Variants in FCF1 observed in about 807,000 individuals in gnomAD.
FCF1 encodes rRNA-processing protein FCF1 homolog.
Under a neutral mutation model 32.5 loss-of-function variants are expected in FCF1, and 17 were observed. The observed-to-expected ratio is 0.52, with a 90% CI of 0.36 to 0.78. The LOEUF is 0.78. Among genes scored for constraint, FCF1 ranks in the 30% least tolerant of loss-of-function variants. The pLI is 0.00. For synonymous variants in FCF1, 84 were observed against 78.4 expected (o/e 1.07, Z -0.38); for missense variants, 201 against 241.1 (o/e 0.83, Z 1.10).
chr14:74,721,868 T>A (rs1201089802), intron 4 of FCF1, among the ~76,000 whole-genome samples: 3 of 152,186 alleles, frequency 2.0e-5, no homozygotes, highest in South Asian at 2.1e-4. Flanking sequence ...AATATCCTTA[T>A]GAATATGTCT....
intron 5 of FCF1, among the ~76,000 whole-genome samples, chr14:74,725,644 C>T (rs775072809): frequency 1.3e-4 from 20 of 151,696 alleles, no homozygotes; most frequent in African/African-American, 2.2e-4. Flanking sequence ...AAAAATTTGC[C>T]GGGCGGCCAG....
chr14:74,721,540 A>G (rs1418998665), intron 4 of FCF1, among the ~76,000 whole-genome samples: 3 of 152,088 alleles, frequency 2.0e-5, no homozygotes, highest in Non-Finnish European at 4.4e-5. Context: ...GTCTTTACTA[A>G]AACTACAAAA....
Position 74,715,939 on chromosome 14 carries a change from T to C in FCF1, c.144-12T>C. On this transcript the variant is annotated splice_polypyrimidine_tract_variant and intron_variant, in intron 3 of 7. Transcript: ENST00000341162. The stretch of plus-strand genomic sequence containing the variant: ...TAAATTTTTCTTTGTTCTTGTTTTC[T>C]TTTTCCTTCAGTCCCCAACACCCTT... 6.2e-7 allele frequency: 1 copy of C among 1,612,438 alleles called. No individual in the cohort carries two copies. The highest frequency in any genetic ancestry group is 1.1e-5 in the South Asian group (1 of 90,724).
At chr14:74,720,441 T>C (rs1016168730) in intron 4 of FCF1, among the ~76,000 whole-genome samples, 8 of 152,212 alleles carry the variant, frequency 5.3e-5, no homozygotes, top group Non-Finnish European at 1.0e-4. Flanking sequence ...TTCATAAAAA[T>C]AGAATCTTAT....
chr14:74,715,356 A>G (rs1217490809), intron 3 of FCF1, among the ~76,000 whole-genome samples: 2 of 152,116 alleles, frequency 1.3e-5, no homozygotes. Context: ...TTAAGTAAGT[A>G]CATTTAACTT....
chr14:74,713,360 A>T, intron 1 of FCF1, 125 bp from the exon 2 acceptor site: 1 of 1,547,966 alleles, frequency 6.5e-7, no homozygotes. Flanking sequence ...TATGCTTTAC[A>T]GAGTGGGGAA....
chr14:74,726,404 T>G (rs2090578425), intron 5 of FCF1, among the ~76,000 whole-genome samples: 1 of 151,932 alleles, frequency 6.6e-6, no homozygotes, highest in African/African-American at 2.4e-5. Flanking sequence ...GGAGGATTGC[T>G]TGAGCCAGGG....
At chr14:74,727,031 A>G (rs1330229652) in intron 5 of FCF1, among the ~76,000 whole-genome samples, 1 of 152,012 alleles carries the variant, frequency 6.6e-6, no homozygotes, top group Non-Finnish European at 1.5e-5. Flanking sequence ...GTTGGTTCCA[A>G]GTCTTTACTA....
At chr14:74,718,813 G>T (rs2090456941) in intron 4 of FCF1, among the ~76,000 whole-genome samples, 1 of 151,962 alleles carries the variant, frequency 6.6e-6, no homozygotes, top group South Asian at 2.1e-4. Context: ...TAAAAAAATG[G>T]AAGTTGAAGC....
intron 5 of FCF1, among the ~76,000 whole-genome samples, chr14:74,729,173 A>C (rs2090605255): frequency 6.6e-6 from 1 of 152,156 alleles, no homozygotes; most frequent in African/African-American, 2.4e-5. Context: ...TTTCAGAAGG[A>C]ATGGTACCAG....
chr14:74,713,177 A>G lies in FCF1; in HGVS notation c.-21A>G. 1.2e-6 allele frequency: 2 copies of G among 1,614,226 alleles called. No individual in the cohort carries two copies. Among genetic ancestry groups the G allele is most frequent in the Non-Finnish European group, 1.7e-6 (2 of 1,180,040 alleles). ...ATTGCGCCGTTGGTGATTACGGAAG[A>G]ACCAGGAGTTTGGCGTGACCATGGT... On this transcript the variant is annotated 5_prime_UTR_variant, in exon 1 of 8. Transcript: ENST00000341162.
chr14:74,717,546 A>G (rs948896788), intron 4 of FCF1, among the ~76,000 whole-genome samples: 13 of 152,194 alleles, frequency 8.5e-5, no homozygotes, highest in Non-Finnish European at 2.9e-5. Flanking sequence ...TTTTAAAGCT[A>G]TATACATAAA....
chr14:74,716,154 T>C, intron 4 of FCF1, 55 bp downstream of exon 4: 6 of 1,533,556 alleles, frequency 3.9e-6, no homozygotes, highest in Non-Finnish European at 4.5e-6. Context: ...ATTATATTTA[T>C]ACAAATACAT....
intron 2 of FCF1, among the ~76,000 whole-genome samples, chr14:74,714,431 G>T (rs544160989): frequency 5.3e-5 from 8 of 152,242 alleles, no homozygotes; most frequent in South Asian, 2.1e-4. Flanking sequence ...CTAGTTAAGG[G>T]TTAAGTTCTG....
intron 3 of FCF1, among the ~76,000 whole-genome samples, chr14:74,715,242 G>C (rs191635985): frequency 1.3e-5 from 2 of 152,144 alleles, no homozygotes; most frequent in African/African-American, 4.8e-5. Context: ...GTTCATAAAA[G>C]AGAGACTGTA....
chr14:74,725,069 T>TAA lies in FCF1; in HGVS notation c.365+1735_365+1736dup, dbSNP rs34861456. On this transcript the variant is annotated intron_variant, in intron 5 of 7. Coordinates refer to ENST00000341162, the MANE Select transcript of FCF1 (RefSeq NM_015962.5). ...ATCTATCTCGTGCTATGGGTTCTGG[T>TAA]AAAAAAAAAAAGAAAGAAAAAGATT... Among the ~76,000 whole-genome samples the TAA allele has an allele frequency of 2.8e-3, 412 of 146,758 alleles. 6 individuals carry two copies. Among genetic ancestry groups the TAA allele is most frequent in the Middle Eastern group, 0.014 (4 of 288 alleles).
At chr14:74,734,220 A>G (rs750465074) in intron 7 of FCF1, 50 bp downstream of exon 7, 47 of 1,057,804 alleles carry the variant, frequency 4.4e-5, no homozygotes, top group Non-Finnish European at 6.9e-5. Context: ...ATTGATATCA[A>G]TTGAAAATGA....
chr14:74,736,387 G>A lies in FCF1; in HGVS notation c.*1457G>A, dbSNP rs551617182. The A allele has an allele frequency of 3.3e-5, 5 of 151,932 alleles. No individual in the cohort carries two copies. In the South Asian group the frequency reaches 1.0e-3, roughly 32 times the overall value. 9.4% of individuals were successfully genotyped at this position (151,932 alleles called of 1,614,324 possible). On this transcript the variant is annotated 3_prime_UTR_variant, in exon 8 of 8. Coordinates refer to ENST00000341162, the MANE Select transcript of FCF1 (RefSeq NM_015962.5). ...AGATTGCGCCACTGCATTCCAGCCTGGGTGACAGAGTGAGACTGTCTCAAA... is the reference window on the plus strand; with the variant it reads ...AGATTGCGCCACTGCATTCCAGCCTAGGTGACAGAGTGAGACTGTCTCAAA...
intron 5 of FCF1, among the ~76,000 whole-genome samples, chr14:74,727,520 T>C: frequency 6.6e-6 from 1 of 151,996 alleles, no homozygotes; most frequent in Admixed American, 6.5e-5. Flanking sequence ...CTTTGTCAGA[T>C]GAGTAGGTTG....
Sources: allele counts gnomAD v4.1 joint callset (sites outside exome capture counted in the v4.1 genomes callset), GRCh38; gene constraint gnomAD v4.1.1; transcripts MANE v1.5; gene names NCBI Gene and HGNC (gene_info 2026-07-23, HGNC 2026-07-21).